The following PACS2 variants were observed in gnomAD, a reference collection of about 807,000 sequenced individuals.
PACS2 encodes phosphofurin acidic cluster sorting protein 2.
In PACS2, 36 loss-of-function variants were observed where a neutral mutation model predicts 113.0. That is an observed-to-expected ratio of 0.32 (90% confidence interval 0.24 to 0.42). The LOEUF is 0.42. Among genes scored for constraint, PACS2 ranks in the 10% least tolerant of loss-of-function variants. The pLI, the probability that PACS2 is intolerant of heterozygous loss-of-function variation, is 1.00. For missense variants in PACS2, 1,015 were observed against 1,239.5 expected (o/e 0.82, Z 2.72); for synonymous variants, 589 against 536.1 (o/e 1.10, Z -1.36).
intron 18 of PACS2, 94 bp downstream of exon 18, chr14:105,385,081 G>A: frequency 1.2e-6 from 1 of 827,822 alleles, no homozygotes; most frequent in Non-Finnish European, 2.0e-6. Context: ...TGGCCTGGTG[G>A]GCCGCAGAGC....
intron 1 of PACS2, among the ~76,000 whole-genome samples, chr14:105,338,531 G>A (rs2059611424): frequency 1.3e-5 from 2 of 152,178 alleles, no homozygotes; most frequent in South Asian, 2.1e-4. Context: ...CCTGGGGGCT[G>A]TGCAGGATTC....
chr14:105,313,240 G>A (rs587684862), upstream of PACS2, among the ~76,000 whole-genome samples: 25 of 152,296 alleles, frequency 1.6e-4, no homozygotes, highest in Admixed American at 1.3e-3. Context: ...AGCGCCGTAC[G>A]CTCAGTTCTG....
intron 21 of PACS2, 119 bp from the exon 22 acceptor site, chr14:105,391,512 T>TGGCCCCCCCCCCCCCCCCCCC: frequency 4.9e-6 from 3 of 611,322 alleles, no homozygotes; most frequent in Non-Finnish European, 8.7e-6. Context: ...CACTGGGGAC[T>TGGCCCCCCCCCCCCCCCCCCC]CCCACCCTGC....
intron 23 of PACS2, 37 bp downstream of exon 23, chr14:105,392,882 A>G: frequency 6.7e-7 from 1 of 1,495,552 alleles, no homozygotes; most frequent in South Asian, 1.1e-5. Context: ...CACGGCGCAG[A>G]AGGGCGGCTC....
chr14:105,386,970 A>G (rs1361819931), intron 19 of PACS2, among the ~76,000 whole-genome samples: 5 of 152,118 alleles, frequency 3.3e-5, no homozygotes, highest in African/African-American at 1.2e-4. Flanking sequence ...AGCTGCTTGT[A>G]TCTCCCAGGT....
At chr14:105,372,000 C>A (rs930700569) in intron 8 of PACS2, 8 of 152,266 alleles carry the variant, frequency 5.3e-5, no homozygotes, top group African/African-American at 7.2e-5. Flanking sequence ...CGGGCCCTAA[C>A]CACCTGTTAG....
chr14:105,377,425 G>A (rs782387799), intron 9 of PACS2, among the ~76,000 whole-genome samples: 1 of 152,144 alleles, frequency 6.6e-6, no homozygotes, highest in Non-Finnish European at 1.5e-5. Flanking sequence ...GGCAGGAGGA[G>A]AGGATGCAGG....
intron 1 of PACS2, among the ~76,000 whole-genome samples, chr14:105,335,544 C>T (rs2059484135): frequency 2.0e-5 from 3 of 152,230 alleles, no homozygotes; most frequent in Non-Finnish European, 4.4e-5. Context: ...CACCTCTTCA[C>T]CCTCCCTCAT....
At chr14:105,363,389 T>C (rs1338099356) in intron 4 of PACS2, among the ~76,000 whole-genome samples, 1 of 152,244 alleles carries the variant, frequency 6.6e-6, no homozygotes, top group African/African-American at 2.4e-5. Context: ...GAACTAGACC[T>C]TCTAGAGAAC....
At chr14:105,352,492 A>G (rs201508318) in intron 3 of PACS2, 25 bp downstream of exon 3, 13 of 1,430,490 alleles carry the variant, frequency 9.1e-6, no homozygotes, top group Admixed American at 3.4e-5. Context: ...AGTGGTGACG[A>G]CACCCTCATC....
intron 19 of PACS2, chr14:105,389,663 G>A (rs587598619): frequency 1.8e-4 from 83 of 451,550 alleles, no homozygotes; most frequent in Admixed American, 3.7e-4. Flanking sequence ...GAATCCCTCC[G>A]TGGAGCTGTG....
At chr14:105,349,413 A>C (rs1370112501) in intron 2 of PACS2, among the ~76,000 whole-genome samples, 4 of 152,230 alleles carry the variant, frequency 2.6e-5, no homozygotes, top group African/African-American at 4.8e-5. Flanking sequence ...CCAGCCCATC[A>C]GCTCCTCGAG....
At position 105,340,736 on chromosome 14, in the gene PACS2, TG is replaced by T. The variant is rs1465522505; in HGVS notation, c.120-7756del. ...AAGGGCTGGCTGAGCTGGTGCTTCCTGCCACCTGTGTAGTGGTGCAGGTGTC... is the reference window on the plus strand; with the variant it reads ...AAGGGCTGGCTGAGCTGGTGCTTCCTCCACCTGTGTAGTGGTGCAGGTGTC... On this transcript the variant is annotated intron_variant, in intron 1 of 24. Transcript: ENST00000447393. This position sits in a 1 kb window ranked among gnomAD's most constrained non-coding sequence, Gnocchi z 4.2. 1.3e-5 allele frequency among the ~76,000 whole-genome samples: 2 copies of T among 152,224 alleles called. No homozygotes were observed. The highest frequency in any genetic ancestry group is 4.8e-5 in the African/African-American group (2 of 41,468).
intron 1 of PACS2, among the ~76,000 whole-genome samples, chr14:105,347,582 A>G (rs2059989251): frequency 1.3e-5 from 2 of 152,222 alleles, no homozygotes; most frequent in African/African-American, 4.8e-5. Flanking sequence ...TCAGCCACTC[A>G]GAACTTGTTG....
upstream of PACS2, among the ~76,000 whole-genome samples, chr14:105,313,076 T>A (rs1595531475): frequency 6.6e-6 from 1 of 152,152 alleles, no homozygotes; most frequent in South Asian, 2.1e-4. Flanking sequence ...TGGCAGCTGG[T>A]GCCAAGCCCT....
rs587609782 is a variant in PACS2 at position 105,316,184 on chromosome 14, C to T, written c.119+1147C>T. ...CTGAGTGGACAGGAAGGATGCCCAC[C>T]CGGCACGACTCTTGCACCTGGCGGG... On this transcript the variant is annotated intron_variant, in intron 1 of 24. Coordinates refer to ENST00000447393, the MANE Select transcript of PACS2 (RefSeq NM_001100913.3). Among the ~76,000 whole-genome samples the T allele has an allele frequency of 7.9e-5, 12 of 152,338 alleles. No homozygotes were observed. The East Asian group carries it at 2.3e-3, about 29-fold the overall frequency.
intron 8 of PACS2, among the ~76,000 whole-genome samples, chr14:105,373,718 G>A (rs2061242646): frequency 6.6e-6 from 1 of 152,078 alleles, no homozygotes; most frequent in Non-Finnish European, 1.5e-5. Context: ...AGCCCAGGAG[G>A]TGGAAGCTGC....
Position 105,338,083 on chromosome 14 carries a change from G to A in PACS2, c.120-10410G>A, listed in dbSNP as rs372573129. ...CGCCCCCATCTGAGGCTGGGTGGCC[G>A]AGGGGTCTGTTCTCAGACTGGGGCC... is the stretch of plus-strand genomic sequence containing the variant. On this transcript the variant is annotated intron_variant, in intron 1 of 24. Coordinates refer to ENST00000447393, the MANE Select transcript of PACS2 (RefSeq NM_001100913.3). Among the ~76,000 whole-genome samples, 118 of 152,330 alleles carry A rather than the reference G, an allele frequency of 7.7e-4. 1 individual carries two copies. The East Asian group carries it at 0.015, about 19-fold the overall frequency.
At position 105,364,489 on chromosome 14, in the gene PACS2, G is replaced by T. The variant is rs1161848435; in HGVS notation, c.424-2724G>T. ...GCGTCCCGGGTGCGCGGTGGGTGGC[G>T]GCCCGGGTGCGCGGTGGGCGGTGGC... is the stretch of plus-strand genomic sequence containing the variant. On this transcript the variant is annotated intron_variant, in intron 4 of 24. Coordinates refer to ENST00000447393, the MANE Select transcript of PACS2 (RefSeq NM_001100913.3). Among the ~76,000 whole-genome samples, 3 of 141,626 alleles carry T rather than the reference G, an allele frequency of 2.1e-5. No homozygotes were observed. In the East Asian group the frequency reaches 6.3e-4, roughly 30 times the overall value. 92.9% of individuals were successfully genotyped at this position (141,626 alleles called of 152,430 possible).
Sources: allele counts gnomAD v4.1 joint callset (sites outside exome capture counted in the v4.1 genomes callset), GRCh38; gene constraint gnomAD v4.1.1; non-coding constraint Gnocchi (gnomAD v3.1); transcripts MANE v1.5; gene names NCBI Gene and HGNC (gene_info 2026-07-23, HGNC 2026-07-21).